BNC2: variants seen among roughly 807,000 people sequenced by gnomAD.
The protein encoded by BNC2 is basonuclin zinc finger protein 2.
BNC2 carries 20 observed loss-of-function variants against 76.3 expected under a neutral mutation model. That is an observed-to-expected ratio of 0.26 (90% CI 0.18 to 0.38). BNC2 has a LOEUF of 0.38. BNC2 is among the 10% of genes least tolerant of loss of function. The probability of loss-of-function intolerance (pLI) is 1.00; values close to 1 mark genes in which losing one functional copy is unlikely to be tolerated. For synonymous variants in BNC2, 582 were observed against 514.8 expected, an observed-to-expected ratio of 1.13 and a Z score of -1.77; for missense variants, 1,382 against 1,399.8, an observed-to-expected ratio of 0.99 and a Z score of 0.20.
intron 3 of BNC2, among the ~76,000 whole-genome samples, chr9:16,665,524 T>C (rs1455807233): frequency 6.6e-6 from 1 of 152,112 alleles, no homozygotes; most frequent in South Asian, 2.1e-4. Context: ...TTTCCTAAAC[T>C]AGACCTGTAA....
At chr9:16,567,791 C>T (rs1819210023) in intron 4 of BNC2, among the ~76,000 whole-genome samples, 1 of 152,104 alleles carries the variant, frequency 6.6e-6, no homozygotes, top group African/African-American at 2.4e-5. Flanking sequence ...GTCCTGAGGT[C>T]CAGTGGAGTC....
At chr9:16,486,968 A>C (rs181619245) in intron 5 of BNC2, among the ~76,000 whole-genome samples, 2 of 152,166 alleles carry the variant, frequency 1.3e-5, no homozygotes, top group Non-Finnish European at 2.9e-5. Flanking sequence ...CTTGGCCTCA[A>C]AAAGTACCAA....
chr9:16,531,936 T>G (rs1019794118), intron 5 of BNC2, among the ~76,000 whole-genome samples: 1 of 152,172 alleles, frequency 6.6e-6, no homozygotes, highest in Non-Finnish European at 1.5e-5. Flanking sequence ...TTTGACAAAA[T>G]GCACTTAAAA....
At chr9:16,685,150 C>T (rs758477633) in intron 3 of BNC2, among the ~76,000 whole-genome samples, 6 of 152,194 alleles carry the variant, frequency 3.9e-5, no homozygotes, top group Non-Finnish European at 7.3e-5. Context: ...AGGTCCTGCA[C>T]TAACTGCTGA....
At chr9:16,590,739 C>T (rs1819905408) in intron 3 of BNC2, among the ~76,000 whole-genome samples, 1 of 152,030 alleles carries the variant, frequency 6.6e-6, no homozygotes, top group Non-Finnish European at 1.5e-5. Context: ...CCTCAGAGGT[C>T]AAGGATGCAG....
At chr9:16,492,616 T>C (rs1410911047) in intron 5 of BNC2, among the ~76,000 whole-genome samples, 1 of 152,154 alleles carries the variant, frequency 6.6e-6, no homozygotes, top group East Asian at 1.9e-4. Flanking sequence ...TGATGTATGG[T>C]CCACTGAGAA....
intron 5 of BNC2, among the ~76,000 whole-genome samples, chr9:16,464,273 T>C (rs1305384528): frequency 6.6e-6 from 1 of 152,158 alleles, no homozygotes; most frequent in Non-Finnish European, 1.5e-5. Context: ...TGCACAGGAC[T>C]GGCATGGCAC....
intron 1 of BNC2, among the ~76,000 whole-genome samples, chr9:16,860,246 G>C (rs1322704105): frequency 6.6e-6 from 1 of 152,140 alleles, no homozygotes; most frequent in Non-Finnish European, 1.5e-5. Flanking sequence ...AAGAAGAACA[G>C]AACGAAGTTG....
intron 3 of BNC2, among the ~76,000 whole-genome samples, chr9:16,600,062 A>C (rs1204995227): frequency 1.3e-5 from 2 of 152,190 alleles, no homozygotes; most frequent in Admixed American, 6.5e-5. Context: ...TATCTAGACT[A>C]CGGTATGTAC....
chr9:16,848,230 A>T (rs1329295612), intron 1 of BNC2, among the ~76,000 whole-genome samples: 1 of 152,200 alleles, frequency 6.6e-6, no homozygotes, highest in East Asian at 1.9e-4. Flanking sequence ...GCACCAAAAA[A>T]AGGAGGCAGA....
At chr9:16,774,720 C>T (rs1825917807) in intron 1 of BNC2, among the ~76,000 whole-genome samples, 1 of 152,128 alleles carries the variant, frequency 6.6e-6, no homozygotes, top group Non-Finnish European at 1.5e-5. Flanking sequence ...TTAAAGGGTC[C>T]AGAGAGATCT....
intron 3 of BNC2, among the ~76,000 whole-genome samples, chr9:16,671,542 A>T (rs61336812): frequency 0.1 from 15,456 of 152,122 alleles, 969 homozygotes; most frequent in South Asian, 0.23. Flanking sequence ...TTTGACAGAA[A>T]ATTAGACTAT....
intron 1 of BNC2, among the ~76,000 whole-genome samples, chr9:16,797,375 T>C (rs1387144586): frequency 2.0e-5 from 3 of 152,194 alleles, no homozygotes; most frequent in Non-Finnish European, 4.4e-5. Context: ...GTACTATAGA[T>C]TTGACATCCC....
At chr9:16,601,963 C>T (rs1451473109) in intron 3 of BNC2, among the ~76,000 whole-genome samples, 3 of 152,180 alleles carry the variant, frequency 2.0e-5, no homozygotes, top group Non-Finnish European at 2.9e-5. Context: ...TTTCTCTTCC[C>T]TGTCTTCTAC....
At chr9:16,685,768 C>T (rs2134350744) in intron 3 of BNC2, 2 of 406,518 alleles carry the variant, frequency 4.9e-6, no homozygotes, top group East Asian at 7.3e-5. Context: ...GTATGTGACA[C>T]TTAGTATGTC....
chr9:16,586,601 CCTCTCT>C (rs4007742), intron 3 of BNC2, among the ~76,000 whole-genome samples: 29 of 150,992 alleles, frequency 1.9e-4, no homozygotes, highest in Admixed American at 5.9e-4. Flanking sequence ...ACTGCTCTCT[CCTCTCT>C]CTCTCTCTCT....
At chr9:16,780,316 G>T (rs185711438) in intron 1 of BNC2, among the ~76,000 whole-genome samples, 107 of 150,444 alleles carry the variant, frequency 7.1e-4, no homozygotes, top group Admixed American at 1.3e-3. Flanking sequence ...GCTCACGCCT[G>T]TAATCCCAGC....
At chr9:16,802,911 C>T (rs1817817635) in intron 1 of BNC2, among the ~76,000 whole-genome samples, 1 of 152,200 alleles carries the variant, frequency 6.6e-6, no homozygotes, top group South Asian at 2.1e-4. Flanking sequence ...CTTTGTACTA[C>T]TTGGCAAACT....
intron 1 of BNC2, among the ~76,000 whole-genome samples, chr9:16,803,577 C>T (rs1817834208): frequency 6.6e-6 from 1 of 152,214 alleles, no homozygotes; most frequent in Admixed American, 6.5e-5. Flanking sequence ...CAATTATAAT[C>T]TGGCTGGGCC....
Sources: allele counts gnomAD v4.1 joint callset (sites outside exome capture counted in the v4.1 genomes callset), GRCh38; gene constraint gnomAD v4.1.1; transcripts MANE v1.5; gene names NCBI Gene and HGNC (gene_info 2026-07-23, HGNC 2026-07-21).